SPAG6: variants seen among roughly 807,000 people sequenced by gnomAD.
SPAG6 encodes sperm-associated antigen 6.
A neutral mutation model predicts 58.5 loss-of-function variants in SPAG6; 49 were observed. The ratio of observed to expected loss-of-function variants is 0.84; its 90% CI spans 0.67 to 1.06. SPAG6 has a LOEUF of 1.06. SPAG6 is among the 50% of genes least tolerant of loss of function. The pLI, the probability that SPAG6 is intolerant of heterozygous loss-of-function variation, is 0.00. For missense variants in SPAG6, 560 were observed against 611.3 expected (o/e 0.92, Z 0.89); for synonymous variants, 233 against 225.6 (o/e 1.03, Z -0.29).
intron 10 of SPAG6, among the ~76,000 whole-genome samples, chr10:22,411,904 A>C (rs532940707): frequency 1.6e-5 from 2 of 125,932 alleles, no homozygotes; most frequent in East Asian, 5.1e-4. Context: ...GCTGGAGTGC[A>C]GTGGCGCGAT....
At chr10:22,385,086 C>G (rs1188547488) in intron 4 of SPAG6, among the ~76,000 whole-genome samples, 1 of 151,922 alleles carries the variant, frequency 6.6e-6, no homozygotes, top group East Asian at 1.9e-4. Flanking sequence ...TACTATATGA[C>G]ACTTGTATAA....
chr10:22,356,239 C>T (rs527553895), intron 2 of SPAG6, among the ~76,000 whole-genome samples: 1 of 152,336 alleles, frequency 6.6e-6, no homozygotes, highest in East Asian at 1.9e-4. Context: ...TTTATTCACA[C>T]AAACTAGAGA....
chr10:22,379,046 G>T (rs1370778085), intron 4 of SPAG6, among the ~76,000 whole-genome samples: 1 of 152,148 alleles, frequency 6.6e-6, no homozygotes, highest in Admixed American at 6.5e-5. Context: ...CTGACGATTG[G>T]GTGGAGGCAA....
intron 2 of SPAG6, among the ~76,000 whole-genome samples, chr10:22,355,342 A>G (rs1245769704): frequency 6.6e-6 from 1 of 152,202 alleles, no homozygotes; most frequent in Non-Finnish European, 1.5e-5. Context: ...TTTGCTAAAT[A>G]AGTGAATGAA....
chr10:22,407,472 C>A (rs957921868), intron 9 of SPAG6, among the ~76,000 whole-genome samples: 1 of 152,154 alleles, frequency 6.6e-6, no homozygotes, highest in African/African-American at 2.4e-5. Flanking sequence ...GGCCCCCACT[C>A]TCTTCTGGCT....
chr10:22,350,530 G>T (rs766415483), intron 2 of SPAG6, among the ~76,000 whole-genome samples: 2 of 152,112 alleles, frequency 1.3e-5, no homozygotes, highest in Non-Finnish European at 2.9e-5. Context: ...TTAAAGTTTT[G>T]ATATTTTCAA....
At chr10:22,397,209 G>A (rs1243045798) in intron 8 of SPAG6, among the ~76,000 whole-genome samples, 1 of 151,236 alleles carries the variant, frequency 6.6e-6, no homozygotes, top group Non-Finnish European at 1.5e-5. Context: ...CACACACACA[G>A]ACACACACAC....
At position 22,391,749 on chromosome 10, in the gene SPAG6, C is replaced by G; in HGVS notation, c.1026C>G (p.Val342=). 6.2e-7 allele frequency: 1 copy of G among 1,613,428 alleles called. No homozygotes were observed. Among genetic ancestry groups the G allele is most frequent in the Non-Finnish European group, 8.5e-7 (1 of 1,179,656 alleles). Residue 342 remains valine (V), a synonymous_variant, in exon 8 of 11, where the codon GTC becomes GTG. Coordinates refer to ENST00000376624, the MANE Select transcript of SPAG6 (RefSeq NM_012443.4). Reference sequence around the variant, plus strand: ...TGCAGGGTGTACCCCAGTTGTCAGTCTGCTTGTCAGAAGAACCGGAAGATC... The same window carrying G: ...TGCAGGGTGTACCCCAGTTGTCAGTGTGCTTGTCAGAAGAACCGGAAGATC... ...IISKGVPQLS[V]CLSEEPEDHI...
At chr10:22,400,976 A>G (rs1378326521) in intron 8 of SPAG6, among the ~76,000 whole-genome samples, 185 bp from the exon 9 acceptor site, 1 of 152,170 alleles carries the variant, frequency 6.6e-6, no homozygotes, top group African/African-American at 2.4e-5. Context: ...AACTTGTAGG[A>G]TATTCTATGA....
chr10:22,395,142 T>C (rs1725005437), intron 8 of SPAG6, among the ~76,000 whole-genome samples: 1 of 152,240 alleles, frequency 6.6e-6, no homozygotes, highest in South Asian at 2.1e-4. Context: ...TGTTTATCCA[T>C]TTACCAGCTG....
At chr10:22,368,848 A>T (rs1344395920) in intron 4 of SPAG6, among the ~76,000 whole-genome samples, 170 bp downstream of exon 4, 2 of 150,068 alleles carry the variant, frequency 1.3e-5, no homozygotes, top group Non-Finnish European at 3.0e-5. Flanking sequence ...TCATATATTC[A>T]CAAAAAAAAA....
intron 2 of SPAG6, among the ~76,000 whole-genome samples, chr10:22,348,002 C>CTTTCTTTTTTTT (rs149307597): frequency 2.0e-5 from 3 of 151,874 alleles, no homozygotes; most frequent in African/African-American, 7.3e-5. Flanking sequence ...ACTTTTCTTT[C>CTTTCTTTTTTTT]TTTCTTTGAG....
intron 10 of SPAG6, chr10:22,412,646 A>C (rs529363679): frequency 1.1e-4 from 59 of 514,598 alleles, no homozygotes; most frequent in Non-Finnish European, 1.8e-4. Flanking sequence ...TCTTGGCTCA[A>C]CTGCCATCTC....
At chr10:22,360,890 T>TCCTC in intron 2 of SPAG6, 1 of 994,816 alleles carries the variant, frequency 1.0e-6, no homozygotes, top group East Asian at 2.7e-5. Flanking sequence ...TCTTTTTATT[T>TCCTC]CCTTCCTTCC....
intron 9 of SPAG6, among the ~76,000 whole-genome samples, chr10:22,402,256 C>A (rs1834431907): frequency 6.6e-6 from 1 of 151,892 alleles, no homozygotes; most frequent in African/African-American, 2.4e-5. Context: ...ATAAAACATG[C>A]AAGCGGGTCA....
intron 2 of SPAG6, among the ~76,000 whole-genome samples, chr10:22,352,042 C>T (rs1836740970): frequency 6.6e-6 from 1 of 152,098 alleles, no homozygotes; most frequent in East Asian, 1.9e-4. Context: ...TGCCTGCAGT[C>T]CCAGCTACTC....
At chr10:22,357,443 A>C (rs1027084230) in intron 2 of SPAG6, among the ~76,000 whole-genome samples, 99 of 152,164 alleles carry the variant, frequency 6.5e-4, no homozygotes, top group African/African-American at 2.3e-3. Context: ...ATGTATGGCA[A>C]AAAAAGCCTC....
intron 4 of SPAG6, among the ~76,000 whole-genome samples, chr10:22,372,756 T>G (rs1283953969): frequency 6.6e-6 from 1 of 151,064 alleles, no homozygotes; most frequent in Non-Finnish European, 1.5e-5. Context: ...TTTTGGGAGC[T>G]TTAGCTAAAA....
At chr10:22,415,069 A>G (rs1403167584) in intron 10 of SPAG6, among the ~76,000 whole-genome samples, 1 of 152,042 alleles carries the variant, frequency 6.6e-6, no homozygotes, top group Non-Finnish European at 1.5e-5. Flanking sequence ...CCCGGCCCAT[A>G]CCAGCCATTT....
Sources: gnomAD v4.1 joint callset for allele counts (sites outside exome capture counted in the v4.1 genomes callset) on GRCh38, gnomAD v4.1.1 for gene constraint, MANE v1.5 for transcripts, NCBI Gene and HGNC (gene_info 2026-07-23, HGNC 2026-07-21) for gene names.